The following PCDHA2 variants were observed in gnomAD, a reference collection of about 807,000 sequenced individuals.
PCDHA2 encodes protocadherin alpha 2.
PCDHA2 carries 58 observed loss-of-function variants against 66.0 expected under a neutral mutation model. The observed-to-expected ratio is 0.88, with a 90% CI of 0.71 to 1.09. The LOEUF (loss-of-function observed/expected upper bound fraction) is 1.09. PCDHA2 is among the 50% of genes least tolerant of loss of function. The pLI is 0.00. For missense variants in PCDHA2, 1,267 were observed against 1,242.3 expected, an observed-to-expected ratio of 1.02 and a Z score of -0.30; for synonymous variants, 634 against 554.0, an observed-to-expected ratio of 1.14 and a Z score of -2.03.
intron 1 of PCDHA2, among the ~76,000 whole-genome samples, chr5:140,838,389 G>A (rs1775711705): frequency 6.6e-6 from 1 of 150,780 alleles, no homozygotes; most frequent in Non-Finnish European, 1.5e-5. Flanking sequence ...CTCCCAATGT[G>A]CTGGGATTAC....
intron 1 of PCDHA2, chr5:140,807,930 A>G: frequency 6.2e-7 from 1 of 1,614,126 alleles, no homozygotes; most frequent in Non-Finnish European, 8.5e-7. Flanking sequence ...ACCATTTATA[A>G]GGTGAGATTA....
Position 140,821,900 on chromosome 5 carries a change from C to G in PCDHA2, c.2388+24548C>G, listed in dbSNP as rs2150111777. 5 of 1,614,206 alleles carry G rather than the reference C, an allele frequency of 3.1e-6. No individual in the cohort carries two copies. Among genetic ancestry groups the G allele is most frequent in the African/African-American group, 1.3e-5 (1 of 75,068 alleles). ...ATCCCGGAGGAAGCCAAACACGGAACCTTCGTTGGCCGCATCGCGCAGGAC... is the reference window on the plus strand; with the variant it reads ...ATCCCGGAGGAAGCCAAACACGGAAGCTTCGTTGGCCGCATCGCGCAGGAC... On this transcript the variant is annotated intron_variant, in intron 1 of 3. Transcript: ENST00000526136.
Position 140,908,881 on chromosome 5 carries a change from A to G in PCDHA2, c.2389-70068A>G, listed in dbSNP as rs77004912. Among the ~76,000 whole-genome samples, 1,225 of 152,366 alleles carry G rather than the reference A, an allele frequency of 8.0e-3. 6 individuals carry two copies. The highest frequency in any genetic ancestry group is 0.019 in the African/African-American group (790 of 41,588). Reference sequence around the variant, plus strand: ...AGGAATGTGTTGCCTCCAAAATCCAATAGTCCCAAATAAGCCTCTTTCGTG... The same window carrying G: ...AGGAATGTGTTGCCTCCAAAATCCAGTAGTCCCAAATAAGCCTCTTTCGTG... On this transcript the variant is annotated intron_variant, in intron 1 of 3. Transcript: ENST00000526136.
chr5:140,952,977 C>T (rs148504111), intron 1 of PCDHA2, among the ~76,000 whole-genome samples: 2 of 152,182 alleles, frequency 1.3e-5, no homozygotes, highest in East Asian at 3.9e-4. Context: ...TTTTAAACAA[C>T]AAGATCTCAT....
At chr5:140,939,789 A>T (rs1259994967) in intron 1 of PCDHA2, among the ~76,000 whole-genome samples, 1 of 152,246 alleles carries the variant, frequency 6.6e-6, no homozygotes, top group African/African-American at 2.4e-5. Flanking sequence ...GTCAATTTCT[A>T]TAAATGTTCT....
At chr5:140,969,069 T>C in intron 1 of PCDHA2, 1 of 1,614,160 alleles carries the variant, frequency 6.2e-7, no homozygotes, top group Non-Finnish European at 8.5e-7. Context: ...GATGCCAGGA[T>C]ACCGCATGGC....
chr5:140,884,092 G>C, intron 1 of PCDHA2: 2 of 1,613,556 alleles, frequency 1.2e-6, no homozygotes, highest in Non-Finnish European at 1.7e-6. Context: ...CGTGGCTTTC[G>C]TATGAATTGC....
intron 1 of PCDHA2, chr5:140,855,950 C>A: frequency 7.3e-7 from 1 of 1,363,922 alleles, no homozygotes; most frequent in Non-Finnish European, 1.0e-6. Flanking sequence ...TCAGCCATTT[C>A]GATAAAAAAT....
At position 140,858,665 on chromosome 5, in the gene PCDHA2, A is replaced by G. The variant is rs2045550518; in HGVS notation, c.2388+61313A>G. On this transcript the variant is annotated intron_variant, in intron 1 of 3. Transcript: ENST00000526136. ...GGTACTTAAATTTTTTTAAATAACAATTTATTCTGAATACACTAATATTTT... is the reference window on the plus strand; with the variant it reads ...GGTACTTAAATTTTTTTAAATAACAGTTTATTCTGAATACACTAATATTTT... 5.6e-6 allele frequency: 4 copies of G among 718,718 alleles called. 1 individual carries two copies. The highest frequency in any genetic ancestry group is 1.8e-5 in the African/African-American group (1 of 55,644). 44.5% of individuals were successfully genotyped at this position (718,718 alleles called of 1,614,324 possible).
chr5:140,924,902 AAAATAAAAT>A (rs1211271652), intron 1 of PCDHA2, among the ~76,000 whole-genome samples: 3 of 39,024 alleles, frequency 7.7e-5, no homozygotes, highest in African/African-American at 2.3e-4. Context: ...CTCAAAAAAA[AAAATAAAAT>A]AAAATAAAAT....
intron 1 of PCDHA2, among the ~76,000 whole-genome samples, chr5:140,939,305 C>A (rs1251046319): frequency 6.6e-6 from 1 of 152,114 alleles, no homozygotes; most frequent in Non-Finnish European, 1.5e-5. Context: ...TCTACAAAAG[C>A]CCTACCTCCT....
chr5:140,799,909 G>C (rs751160950), intron 1 of PCDHA2, among the ~76,000 whole-genome samples: 1 of 151,916 alleles, frequency 6.6e-6, no homozygotes, highest in Admixed American at 6.6e-5. Context: ...CAAATGCGGC[G>C]AGAATTCATG....
chr5:140,952,743 C>T lies in PCDHA2; in HGVS notation c.2389-26206C>T, dbSNP rs146786879. Reference sequence around the variant, plus strand: ...TCTGTACTAGTCTTTTCTCACACTGCTATAAAAACACCTGAGACTGGATAA... The same window carrying T: ...TCTGTACTAGTCTTTTCTCACACTGTTATAAAAACACCTGAGACTGGATAA... On this transcript the variant is annotated intron_variant, in intron 1 of 3. Coordinates refer to ENST00000526136, the MANE Select transcript of PCDHA2 (RefSeq NM_018905.3). 8.6e-3 allele frequency among the ~76,000 whole-genome samples: 1,316 copies of T among 152,264 alleles called. 10 individuals are homozygous for T. Among genetic ancestry groups the T allele is most frequent in the Middle Eastern group, 0.014 (4 of 294 alleles).
At chr5:140,853,121 C>T in intron 1 of PCDHA2, 1 of 518,370 alleles carries the variant, frequency 1.9e-6, no homozygotes, top group Middle Eastern at 9.7e-4. Flanking sequence ...CCTCATGATC[C>T]TCCCGCCTCA....
intron 1 of PCDHA2, among the ~76,000 whole-genome samples, chr5:140,871,794 ATTACTATT>A (rs1415079404): frequency 2.2e-4 from 33 of 152,228 alleles, no homozygotes; most frequent in African/African-American, 7.7e-4. Flanking sequence ...AGTAGAAATA[ATTACTATT>A]TTCACTAAAG....
intron 1 of PCDHA2, chr5:140,808,312 C>G (rs1330097082): frequency 3.1e-6 from 5 of 1,614,124 alleles, no homozygotes; most frequent in Non-Finnish European, 4.2e-6. Flanking sequence ...TCAGCGTGTC[C>G]GACAAAGACA....
At chr5:140,988,294 G>A (rs2097291713) in intron 3 of PCDHA2, among the ~76,000 whole-genome samples, 1 of 152,206 alleles carries the variant, frequency 6.6e-6, no homozygotes, top group South Asian at 2.1e-4. Context: ...TGACAGCCCA[G>A]GAGTGCCAGC....
At position 140,797,259 on chromosome 5, in the gene PCDHA2, C is replaced by A; in HGVS notation, c.2295C>A (p.Pro765=). The change falls in exon 1 of 4, where the codon CCC becomes CCA. Residue 765 remains proline (P), a synonymous_variant. Coordinates refer to ENST00000526136, the MANE Select transcript of PCDHA2 (RefSeq NM_018905.3). The part of the protein sequence containing the change: ...RQRVCSGEDP[P]KTDLMAFSPS... The stretch of plus-strand genomic sequence containing the variant: ...GGGTGTGCTCTGGGGAGGACCCCCC[C>A]AAGACGGACCTCATGGCCTTCAGCC... 1 of 1,614,202 alleles carries A rather than the reference C, an allele frequency of 6.2e-7. No homozygotes were observed. Among genetic ancestry groups the A allele is most frequent in the South Asian group, 1.1e-5 (1 of 91,084 alleles).
chr5:140,857,254 TTAC>T, intron 1 of PCDHA2: 1 of 1,598,512 alleles, frequency 6.3e-7, no homozygotes, highest in Non-Finnish European at 8.6e-7. Flanking sequence ...CCTACAAGAA[TTAC>T]TACTCATTGG....
Sources: gnomAD v4.1 joint callset for allele counts (sites outside exome capture counted in the v4.1 genomes callset) on GRCh38, gnomAD v4.1.1 for gene constraint, MANE v1.5 for transcripts, NCBI Gene and HGNC (gene_info 2026-07-23, HGNC 2026-07-21) for gene names.